ASTN2: variants seen among roughly 807,000 people sequenced by gnomAD.
ASTN2 encodes the protein astrotactin-2.
ASTN2 carries 54 observed loss-of-function variants against 139.8 expected under a neutral mutation model. The observed-to-expected ratio is 0.39, with a 90% CI of 0.31 to 0.48. ASTN2 has a LOEUF of 0.48. ASTN2 is among the 20% of genes least tolerant of loss of function. The pLI is 0.95. For synonymous variants in ASTN2, 756 were observed against 719.5 expected (o/e 1.05, Z -0.81); for missense variants, 1,565 against 1,725.1 (o/e 0.91, Z 1.64).
intron 1 of ASTN2, among the ~76,000 whole-genome samples, chr9:117,379,310 A>G (rs1380277302): frequency 6.6e-6 from 1 of 152,148 alleles, no homozygotes; most frequent in Non-Finnish European, 1.5e-5. Flanking sequence ...CGCCCCTTGC[A>G]GGAGCAAAGG....
chr9:116,632,506 T>C (rs1210859902), intron 17 of ASTN2, among the ~76,000 whole-genome samples: 1 of 152,130 alleles, frequency 6.6e-6, no homozygotes, highest in Non-Finnish European at 1.5e-5. Context: ...CCATTTTTCT[T>C]AGCCTGGCAC....
intron 19 of ASTN2, among the ~76,000 whole-genome samples, chr9:116,564,582 A>G (rs1296462405): frequency 6.6e-6 from 1 of 152,166 alleles, no homozygotes. Context: ...TGCTGGCCAC[A>G]TGATTAATTC....
At chr9:116,704,686 G>A (rs1044613009) in intron 16 of ASTN2, among the ~76,000 whole-genome samples, 5 of 152,132 alleles carry the variant, frequency 3.3e-5, no homozygotes, top group Non-Finnish European at 5.9e-5. Context: ...GCACTTCTTG[G>A]CCTCTTAATT....
Position 116,699,859 on chromosome 9 carries a change from A to AT in ASTN2, c.2806+25911dup. 9.8e-7 allele frequency: 1 copy of AT among 1,016,428 alleles called. No individual in the cohort carries two copies. Among genetic ancestry groups the AT allele is most frequent in the East Asian group, 2.6e-5 (1 of 38,516 alleles). The allele number at this position is 1,016,428 out of a possible 1,614,324, so 63.0% of individuals were successfully genotyped here. ...AGAAGCTCCATCTTTTAATGTTTTT[A>AT]TTTGTTATGTCCCCCTCCCCGCTTC... On this transcript the variant is annotated intron_variant, in intron 16 of 22. Coordinates refer to ENST00000313400, the MANE Select transcript of ASTN2 (RefSeq NM_001365068.1). The surrounding 1 kb of genome is among the most constrained non-coding windows in gnomAD (Gnocchi z 4.2).
intron 13 of ASTN2, among the ~76,000 whole-genome samples, chr9:116,783,111 G>A (rs916357119): frequency 1.5e-4 from 23 of 152,264 alleles, no homozygotes; most frequent in Admixed American, 6.5e-4. Flanking sequence ...CCACAGATGG[G>A]CATATATCGC....
chr9:117,138,284 T>C (rs1302307026), intron 4 of ASTN2, among the ~76,000 whole-genome samples: 1 of 151,980 alleles, frequency 6.6e-6, no homozygotes, highest in African/African-American at 2.4e-5. Flanking sequence ...GTCATGGAAG[T>C]TGGTTTTTAG....
intron 13 of ASTN2, among the ~76,000 whole-genome samples, chr9:116,759,024 G>A (rs1287464512): frequency 5.3e-5 from 8 of 152,076 alleles, no homozygotes; most frequent in Non-Finnish European, 7.4e-5. Flanking sequence ...CTACAGAAGC[G>A]TACCGCCATG....
chr9:116,587,116 G>A (rs548829695), intron 19 of ASTN2, among the ~76,000 whole-genome samples: 31 of 152,114 alleles, frequency 2.0e-4, no homozygotes, highest in African/African-American at 6.7e-4. Flanking sequence ...TGAGGTGGGC[G>A]GATCACCTGA....
At chr9:116,932,707 A>G (rs1257968951) in intron 10 of ASTN2, among the ~76,000 whole-genome samples, 1 of 152,078 alleles carries the variant, frequency 6.6e-6, no homozygotes, top group Non-Finnish European at 1.5e-5. Flanking sequence ...TGGACACAGT[A>G]AAGAGCTGCA....
chr9:117,237,844 C>A (rs1055131477), intron 2 of ASTN2, among the ~76,000 whole-genome samples: 38 of 152,202 alleles, frequency 2.5e-4, no homozygotes, highest in African/African-American at 9.2e-4. Context: ...CTCTACCTCC[C>A]AGTGGGCCCA....
At chr9:116,836,464 A>AT (rs1371517037) in intron 11 of ASTN2, among the ~76,000 whole-genome samples, 1 of 151,504 alleles carries the variant, frequency 6.6e-6, no homozygotes, top group Non-Finnish European at 1.5e-5. Flanking sequence ...GTTCATTTTA[A>AT]TTTTTTTCAT....
intron 10 of ASTN2, among the ~76,000 whole-genome samples, chr9:116,959,666 C>T (rs1032872885): frequency 7.9e-5 from 12 of 152,250 alleles, no homozygotes; most frequent in East Asian, 1.9e-4. Context: ...TCAGAAAGGA[C>T]AGCCAGGCAG....
At chr9:116,498,524 G>A (rs1473843869) in intron 19 of ASTN2, among the ~76,000 whole-genome samples, 1 of 152,116 alleles carries the variant, frequency 6.6e-6, no homozygotes, top group African/African-American at 2.4e-5. Context: ...CTTAAGCCCA[G>A]GAGATCAAGG....
chr9:116,599,922 G>A (rs1035042912), intron 19 of ASTN2, among the ~76,000 whole-genome samples: 4 of 152,096 alleles, frequency 2.6e-5, no homozygotes, highest in Non-Finnish European at 2.9e-5. Flanking sequence ...TCAGCCATCC[G>A]TCTAAGTGGA....
In ASTN2 at chr9:116,706,135, T is replaced by C. The variant is rs538003508; in HGVS notation, c.2806+19636A>G. 4.6e-5 allele frequency among the ~76,000 whole-genome samples: 7 copies of C among 152,300 alleles called. No homozygotes were observed. In the South Asian group the frequency reaches 8.3e-4, roughly 18 times the overall value. On this transcript the variant is annotated intron_variant, in intron 16 of 22. Coordinates refer to ENST00000313400, the MANE Select transcript of ASTN2 (RefSeq NM_001365068.1). ...AGGCATAGTTTGAAAATGCATACCC[T>C]CTTCGGTATTCTAATATCTCTCCTG... is the stretch of plus-strand genomic sequence containing the variant.
chr9:116,662,875 G>A (rs1325831399), intron 16 of ASTN2, among the ~76,000 whole-genome samples: 1 of 152,144 alleles, frequency 6.6e-6, no homozygotes, highest in Non-Finnish European at 1.5e-5. Flanking sequence ...GTAATATACA[G>A]CTGAAAAAAC....
intron 13 of ASTN2, among the ~76,000 whole-genome samples, chr9:116,754,924 A>G (rs982235985): frequency 6.6e-6 from 1 of 152,140 alleles, no homozygotes; most frequent in African/African-American, 2.4e-5. Flanking sequence ...CACCAGGCCC[A>G]CACCTTCTGA....
intron 1 of ASTN2, among the ~76,000 whole-genome samples, chr9:117,306,133 C>G (rs1834992689): frequency 6.6e-6 from 1 of 152,202 alleles, no homozygotes; most frequent in Non-Finnish European, 1.5e-5. Flanking sequence ...CAAGACATCT[C>G]AATTGTCACA....
chr9:117,341,301 T>C (rs1286820590), intron 1 of ASTN2, among the ~76,000 whole-genome samples: 2 of 152,126 alleles, frequency 1.3e-5, no homozygotes. Flanking sequence ...ATGGGTACTT[T>C]ATTCACTGAG....
Sources: allele counts gnomAD v4.1 joint callset (sites outside exome capture counted in the v4.1 genomes callset), GRCh38; gene constraint gnomAD v4.1.1; non-coding constraint Gnocchi (gnomAD v3.1); transcripts MANE v1.5; gene names NCBI Gene and HGNC (gene_info 2026-07-23, HGNC 2026-07-21).